The following PCDH7 variants were observed in gnomAD, a reference collection of about 807,000 sequenced individuals.
The protein encoded by PCDH7 is protocadherin-7.
In PCDH7, 17 loss-of-function variants were observed where a neutral mutation model predicts 58.9. The ratio of observed to expected loss-of-function variants is 0.29; its 90% CI spans 0.20 to 0.43. PCDH7 has a LOEUF of 0.43. Among genes scored for constraint, PCDH7 ranks in the 20% least tolerant of loss-of-function variants. The probability of loss-of-function intolerance (pLI) is 1.00; values close to 1 mark genes in which losing one functional copy is unlikely to be tolerated. For synonymous variants in PCDH7, 664 were observed against 616.4 expected (o/e 1.08, Z -1.14); for missense variants, 1,274 against 1,441.0 (o/e 0.88, Z 1.88).
At chr4:30,766,298 G>A (rs1720742709) in intron 1 of PCDH7, among the ~76,000 whole-genome samples, 1 of 152,110 alleles carries the variant, frequency 6.6e-6, no homozygotes, top group Admixed American at 6.5e-5. Context: ...GGGAGGCTGA[G>A]GCAGGGGGAT....
intron 1 of PCDH7, among the ~76,000 whole-genome samples, chr4:30,869,657 C>T (rs1735305667): frequency 6.6e-6 from 1 of 152,160 alleles, no homozygotes; most frequent in Non-Finnish European, 1.5e-5. Context: ...TGTATATATG[C>T]CACAGTTTCT....
chr4:30,760,759 G>T (rs1227694520), intron 1 of PCDH7, among the ~76,000 whole-genome samples: 1 of 152,108 alleles, frequency 6.6e-6, no homozygotes, highest in East Asian at 1.9e-4. Context: ...CCAACCAAGG[G>T]CATCTGAGCA....
chr4:30,928,595 A>C lies in PCDH7; in HGVS notation c.287+8226A>C, dbSNP rs569426623. Among the ~76,000 whole-genome samples the C allele has an allele frequency of 3.9e-5, 6 of 152,318 alleles. No homozygotes were observed. In the South Asian group the frequency reaches 1.2e-3, roughly 32 times the overall value. ...ACAGTAACTTAATTATAATGAAAAA[A>C]TAGTAAGCTCATTAGAGAAGTTCAG... On this transcript the variant is annotated intron_variant, in intron 2 of 3. Coordinates refer to the PCDH7 transcript ENST00000509759.
intron 3 of PCDH7, among the ~76,000 whole-genome samples, chr4:31,028,495 T>C (rs1235261908): frequency 6.6e-6 from 1 of 151,970 alleles, no homozygotes; most frequent in Non-Finnish European, 1.5e-5. Context: ...AAAAATAAAA[T>C]AAAATTTAAA....
chr4:30,742,225 C>A (rs1011848864), intron 1 of PCDH7, among the ~76,000 whole-genome samples: 1 of 152,070 alleles, frequency 6.6e-6, no homozygotes, highest in Non-Finnish European at 1.5e-5. Context: ...CAAGTCAGGG[C>A]TTCCTAGTGG....
chr4:31,011,280 C>T (rs147534857), intron 3 of PCDH7, among the ~76,000 whole-genome samples: 26 of 152,012 alleles, frequency 1.7e-4, no homozygotes, highest in African/African-American at 4.8e-5. Flanking sequence ...AGTACTGTGC[C>T]GCTGTAAGAA....
At chr4:31,056,489 GAAAGAAAGAA>G (rs1313771650) in intron 3 of PCDH7, among the ~76,000 whole-genome samples, 2 of 131,338 alleles carry the variant, frequency 1.5e-5, no homozygotes, top group Non-Finnish European at 3.2e-5. Context: ...AAGAAAGAAA[GAAAGAAAGAA>G]AGAAAGAAAG....
intron 1 of PCDH7, among the ~76,000 whole-genome samples, chr4:30,824,092 TTTC>T (rs1322145982): frequency 3.4e-5 from 2 of 58,210 alleles, no homozygotes; most frequent in Non-Finnish European, 6.8e-5. Context: ...TCTTTCTTTC[TTTC>T]TTTCTTTCTT....
At chr4:30,875,357 G>A (rs1736152905) in intron 1 of PCDH7, among the ~76,000 whole-genome samples, 1 of 152,014 alleles carries the variant, frequency 6.6e-6, no homozygotes, top group Admixed American at 6.6e-5. Flanking sequence ...CCTCTGAACA[G>A]ACCCTATCTC....
chr4:31,035,876 G>A (rs1412656157), intron 3 of PCDH7, among the ~76,000 whole-genome samples: 2 of 152,096 alleles, frequency 1.3e-5, no homozygotes, highest in Non-Finnish European at 2.9e-5. Flanking sequence ...TTTTTGGCAG[G>A]TTTTAGAAAT....
chr4:30,822,071 G>A (rs996608772), intron 1 of PCDH7, among the ~76,000 whole-genome samples: 1 of 152,050 alleles, frequency 6.6e-6, no homozygotes, highest in African/African-American at 2.4e-5. Flanking sequence ...TTGGGTGATG[G>A]CACAGACATA....
chr4:30,771,450 C>T (rs1022492240), intron 1 of PCDH7, among the ~76,000 whole-genome samples: 1 of 152,120 alleles, frequency 6.6e-6, no homozygotes, highest in African/African-American at 2.4e-5. Flanking sequence ...TACCATAATG[C>T]AGTCAGAGGA....
At chr4:31,144,433 G>C (rs543232165), downstream of PCDH7, 1 of 152,180 alleles carries the variant, frequency 6.6e-6, no homozygotes, top group Non-Finnish European at 1.5e-5. Context: ...TGAAAATTGA[G>C]CTGGGACATT....
At chr4:30,915,847 G>A (rs960340987) in intron 1 of PCDH7, among the ~76,000 whole-genome samples, 2 of 151,918 alleles carry the variant, frequency 1.3e-5, no homozygotes, top group Non-Finnish European at 2.9e-5. Context: ...CAAATTGCTT[G>A]CTTCTAGCAA....
At chr4:30,951,353 G>A (rs1296323677) in intron 3 of PCDH7, among the ~76,000 whole-genome samples, 2 of 152,108 alleles carry the variant, frequency 1.3e-5, no homozygotes, top group East Asian at 3.9e-4. Flanking sequence ...ATGTTAGTCT[G>A]GACCATTAAT....
chr4:30,868,355 G>A (rs1483455166), intron 1 of PCDH7, among the ~76,000 whole-genome samples: 1 of 152,044 alleles, frequency 6.6e-6, no homozygotes, highest in African/African-American at 2.4e-5. Flanking sequence ...CAAGTGGTAT[G>A]TCAGATTGCA....
intron 1 of PCDH7, among the ~76,000 whole-genome samples, chr4:30,908,253 A>AG (rs1553912064): frequency 6.6e-6 from 1 of 151,438 alleles, no homozygotes; most frequent in Non-Finnish European, 1.5e-5. Context: ...TAAAAAAAAA[A>AG]AAGAAGAAAA....
chr4:31,097,283 C>A (rs1160569671), intron 3 of PCDH7, among the ~76,000 whole-genome samples: 2 of 151,550 alleles, frequency 1.3e-5, no homozygotes, highest in South Asian at 4.2e-4. Flanking sequence ...ATGGTGAAAC[C>A]CTGTCTCTAG....
chr4:30,749,098 G>A (rs1311707377), intron 1 of PCDH7, among the ~76,000 whole-genome samples: 2 of 152,092 alleles, frequency 1.3e-5, no homozygotes, highest in Admixed American at 6.6e-5. Context: ...AAATGCATTC[G>A]ATTTATTCCT....
Sources: gnomAD v4.1 joint callset for allele counts (sites outside exome capture counted in the v4.1 genomes callset) on GRCh38, gnomAD v4.1.1 for gene constraint, MANE v1.5 for transcripts, NCBI Gene and HGNC (gene_info 2026-07-23, HGNC 2026-07-21) for gene names.